The following CBFA2T2 variants were observed in gnomAD, a reference collection of about 807,000 sequenced individuals.
CBFA2T2 encodes protein CBFA2T2.
CBFA2T2 carries 11 observed loss-of-function variants against 62.2 expected under a neutral mutation model. The observed-to-expected ratio is 0.18, with a 90% CI of 0.11 to 0.29. The LOEUF (loss-of-function observed/expected upper bound fraction) is 0.29, where lower values mean the gene tolerates loss of function less well. Ranked by LOEUF, CBFA2T2 falls within the 10% of genes least tolerant of loss-of-function variation. CBFA2T2 has a pLI of 1.00. For missense variants in CBFA2T2, 592 were observed against 774.1 expected (o/e 0.76, Z 2.79); for synonymous variants, 295 against 287.5 (o/e 1.03, Z -0.27).
rs1350743676 is a variant in CBFA2T2 at position 33,611,190 on chromosome 20, C to T, written c.275C>T (p.Ala92Val). Residue 92 changes from alanine to valine, a missense_variant, in exon 3 of 11, where the codon GCA (alanine) becomes GTA (valine). Coordinates refer to ENST00000342704, the MANE Select transcript of CBFA2T2 (RefSeq NM_001032999.3). ...GGTCCTGCCTCCTCCACATCATCTG[C>T]ACTCACAAATCAGCAATTGCCAGCC... ...SNGPASSTSS[A>V]LTNQQLPATC... 6.2e-7 allele frequency: 1 copy of T among 1,614,200 alleles called. No individual in the cohort carries two copies. The highest frequency in any genetic ancestry group is 8.5e-7 in the Non-Finnish European group (1 of 1,180,030).
At chr20:33,538,009 A>G (rs989419318) in intron 1 of CBFA2T2, among the ~76,000 whole-genome samples, 29 of 152,124 alleles carry the variant, frequency 1.9e-4, no homozygotes, top group Admixed American at 1.8e-3. Flanking sequence ...TTAAAAAAAA[A>G]AAAAAGCACG....
chr20:33,611,042 G>A (rs1392261529), intron 2 of CBFA2T2, 52 bp from the exon 3 acceptor site: 3 of 1,597,684 alleles, frequency 1.9e-6, no homozygotes, highest in East Asian at 2.2e-5. Context: ...AATGAACAAA[G>A]GTTCCCTTGT....
In CBFA2T2 at chr20:33,619,522, A is replaced by G. The variant is rs1478915916; in HGVS notation, c.426A>G (p.Ser142=). 2.5e-6 allele frequency: 4 copies of G among 1,597,574 alleles called. No individual in the cohort carries two copies. The Admixed American group carries it at 5.2e-5, about 21-fold the overall frequency. The change falls in exon 4 of 11, where the codon TCA becomes TCG. Residue 142 remains serine (S), a synonymous_variant. Transcript: ENST00000342704. ...VRTLVLALVN[S]TVTIEEFHCK... is the part of the protein sequence containing the mutation. ...AAGGTTATTTATCTTTTCAGAACTC[A>G]ACAGTGACAATTGAGGAATTCCACT... is the stretch of plus-strand genomic sequence containing the variant.
At chr20:33,537,497 C>T (rs867476497) in intron 1 of CBFA2T2, among the ~76,000 whole-genome samples, 51 of 152,196 alleles carry the variant, frequency 3.4e-4, no homozygotes, top group Admixed American at 5.2e-4. Flanking sequence ...AAGAGGGAGA[C>T]CGTGGGCCGT....
chr20:33,506,740 C>T (rs1416772522), intron 1 of CBFA2T2, among the ~76,000 whole-genome samples: 1 of 152,156 alleles, frequency 6.6e-6, no homozygotes, highest in Non-Finnish European at 1.5e-5. Context: ...TCAATGGAGG[C>T]AGGGAATTTC....
chr20:33,591,481 A>AG (rs2014631511), intron 1 of CBFA2T2, among the ~76,000 whole-genome samples: 1 of 151,614 alleles, frequency 6.6e-6, no homozygotes, highest in African/African-American at 2.4e-5. Flanking sequence ...AAAAAAAAAA[A>AG]AAAAGAAAAA....
intron 1 of CBFA2T2, among the ~76,000 whole-genome samples, chr20:33,542,317 T>C (rs1392784837): frequency 6.6e-6 from 1 of 152,180 alleles, no homozygotes; most frequent in East Asian, 1.9e-4. Flanking sequence ...GAAGAACCAG[T>C]CTTAACACCT....
Position 33,619,577 on chromosome 20 carries a change from C to T in CBFA2T2, c.481C>T (p.Leu161Phe). The stretch of plus-strand genomic sequence containing the variant: ...GCTCCAAGAAGCCACAAACTTTCCC[C>T]TTCGTCCTTTTGTGATTCCATTTCT... Reference protein sequence around the residue: ...CKLQEATNFPLRPFVIPFLKA... With the variant: ...CKLQEATNFPFRPFVIPFLKA... The change falls in exon 4 of 11, where the codon CTT (leucine) becomes TTT (phenylalanine). Residue 161 changes from leucine to phenylalanine, a missense_variant. Transcript: ENST00000342704. The T allele has an allele frequency of 6.2e-7, 1 of 1,608,286 alleles. No homozygotes were observed. Among genetic ancestry groups the T allele is most frequent in the Non-Finnish European group, 8.5e-7 (1 of 1,177,096 alleles).
intron 1 of CBFA2T2, among the ~76,000 whole-genome samples, chr20:33,525,806 C>T (rs574865993): frequency 2.8e-4 from 42 of 152,260 alleles, no homozygotes; most frequent in African/African-American, 9.1e-4. Flanking sequence ...CACATGCCAC[C>T]ATGCCTGTGA....
At chr20:33,536,305 C>A (rs2012230469) in intron 1 of CBFA2T2, among the ~76,000 whole-genome samples, 1 of 145,630 alleles carries the variant, frequency 6.9e-6, no homozygotes, top group Admixed American at 6.8e-5. Context: ...GGGGCTGACC[C>A]CCCCCACCTC....
chr20:33,527,618 A>G (rs1025913341), intron 1 of CBFA2T2, among the ~76,000 whole-genome samples: 2 of 151,692 alleles, frequency 1.3e-5, no homozygotes, highest in Admixed American at 6.6e-5. Flanking sequence ...GATGATCTGC[A>G]TGTCTCAGGC....
chr20:33,623,704 G>A, intron 5 of CBFA2T2: 1 of 667,698 alleles, frequency 1.5e-6, no homozygotes, highest in Non-Finnish European at 2.7e-6. Context: ...TTATATGGAT[G>A]TGAGCCACCA....
At chr20:33,563,937 T>G (rs1322594719) in intron 1 of CBFA2T2, among the ~76,000 whole-genome samples, 4 of 152,092 alleles carry the variant, frequency 2.6e-5, no homozygotes, top group Non-Finnish European at 4.4e-5. Flanking sequence ...TTTGCCAAAC[T>G]ATACCAGAAC....
intron 1 of CBFA2T2, among the ~76,000 whole-genome samples, chr20:33,570,603 A>T (rs531300801): frequency 6.2e-4 from 94 of 152,284 alleles, no homozygotes; most frequent in African/African-American, 2.2e-3. Flanking sequence ...GTTGATCAGT[A>T]TTGCTATAGA....
intron 1 of CBFA2T2, among the ~76,000 whole-genome samples, chr20:33,531,651 G>A (rs1170961409): frequency 6.6e-6 from 1 of 152,206 alleles, no homozygotes; most frequent in Non-Finnish European, 1.5e-5. Flanking sequence ...TGGGAGTGGT[G>A]TAAAAGGAAC....
chr20:33,563,652 A>G (rs2013174604), intron 1 of CBFA2T2, among the ~76,000 whole-genome samples: 1 of 152,212 alleles, frequency 6.6e-6, no homozygotes. Flanking sequence ...ATCTCAAGCA[A>G]GCCACTGTTC....
chr20:33,560,869 T>C (rs1017193970), intron 1 of CBFA2T2, among the ~76,000 whole-genome samples: 4 of 152,128 alleles, frequency 2.6e-5, no homozygotes, highest in African/African-American at 9.7e-5. Context: ...TGGCCATCTT[T>C]TTTTGCTTTT....
intron 1 of CBFA2T2, among the ~76,000 whole-genome samples, chr20:33,525,345 C>A (rs2011858191): frequency 6.6e-6 from 1 of 151,490 alleles, no homozygotes; most frequent in Non-Finnish European, 1.5e-5. Flanking sequence ...TGCCACCATG[C>A]CCGGCTAATT....
intron 1 of CBFA2T2, among the ~76,000 whole-genome samples, chr20:33,525,789 C>G (rs2011870773): frequency 6.6e-6 from 1 of 152,004 alleles, no homozygotes; most frequent in Non-Finnish European, 1.5e-5. Flanking sequence ...GTAGCTGGAA[C>G]CACTGGCACA....
Sources: gnomAD v4.1 joint callset for allele counts (sites outside exome capture counted in the v4.1 genomes callset) on GRCh38, gnomAD v4.1.1 for gene constraint, MANE v1.5 for transcripts, NCBI Gene and HGNC (gene_info 2026-07-23, HGNC 2026-07-21) for gene names.